IQCM: variants seen among roughly 807,000 people sequenced by gnomAD.
The protein encoded by IQCM is IQ motif containing M.
In IQCM, 45 loss-of-function variants were observed where a neutral mutation model predicts 57.6. The observed-to-expected ratio is 0.78, with a 90% confidence interval of 0.62 to 1.00. The LOEUF (loss-of-function observed/expected upper bound fraction) is 1.00. Among genes scored for constraint, IQCM ranks in the 50% least tolerant of loss-of-function variants. The pLI, the probability that IQCM is intolerant of heterozygous loss-of-function variation, is 0.00. For missense variants in IQCM, 468 were observed against 511.6 expected, an observed-to-expected ratio of 0.91 and a Z score of 0.82; for synonymous variants, 148 against 158.9, an observed-to-expected ratio of 0.93 and a Z score of 0.51.
intron 8 of IQCM, among the ~76,000 whole-genome samples, chr4:149,617,891 T>C (rs934249512): frequency 6.6e-6 from 1 of 152,186 alleles, no homozygotes; most frequent in African/African-American, 2.4e-5. Flanking sequence ...CCCAGTCTCA[T>C]GAATTGGAAG....
chr4:149,731,035 T>C (rs1208799186), intron 5 of IQCM, among the ~76,000 whole-genome samples: 1 of 152,166 alleles, frequency 6.6e-6, no homozygotes, highest in Admixed American at 6.5e-5. Context: ...TCCACATGTG[T>C]GTCTACTTAA....
chr4:149,429,334 TG>T (rs929484173), intron 13 of IQCM, among the ~76,000 whole-genome samples: 4 of 151,874 alleles, frequency 2.6e-5, no homozygotes, highest in African/African-American at 9.7e-5. Context: ...CATATATTCC[TG>T]GAAAAAAATT....
In IQCM at chr4:149,351,983, T is replaced by C. The variant is rs1728617549; in HGVS notation, c.1474A>G (p.Arg492Gly). 1 of 399,018 alleles carries C rather than the reference T, an allele frequency of 2.5e-6. No homozygotes were observed. The highest frequency in any genetic ancestry group is 1.3e-4 in the South Asian group (1 of 7,864). 24.7% of individuals were successfully genotyped at this position (399,018 alleles called of 1,614,324 possible). The change falls in exon 14 of 14, where the codon AGA becomes GGA. Residue 492 changes from arginine (R) to glycine (G), a missense_variant. Arg to Gly is a moderately radical substitution (Grantham distance 125). Transcript: ENST00000636793. ...VARSIRERKM[R>G]QHYKSCKVE is the part of the protein sequence containing the mutation. ...ACTTTACATGACTTATAATGTTGTCTCATTTTCCTTTCTCTTATGGATCGG... is the reference window on the plus strand; with the variant it reads ...ACTTTACATGACTTATAATGTTGTCCCATTTTCCTTTCTCTTATGGATCGG...
chr4:149,792,537 C>A (rs567418051), intron 2 of IQCM, among the ~76,000 whole-genome samples: 1 of 152,170 alleles, frequency 6.6e-6, no homozygotes, highest in South Asian at 2.1e-4. Context: ...AGTTAGACAG[C>A]CAGGGGGAAA....
intron 2 of IQCM, among the ~76,000 whole-genome samples, chr4:149,759,238 C>T (rs1050858665): frequency 6.6e-6 from 1 of 152,106 alleles, no homozygotes; most frequent in South Asian, 2.1e-4. Flanking sequence ...GTAAGCAGAT[C>T]ACTAGTTGCC....
At chr4:149,619,298 T>A (rs1014216955) in intron 8 of IQCM, among the ~76,000 whole-genome samples, 7 of 151,918 alleles carry the variant, frequency 4.6e-5, no homozygotes, top group African/African-American at 1.7e-4. Context: ...GTAGCGATGG[T>A]CATCCAATAG....
chr4:149,810,936 C>T (rs1055269689), intron 2 of IQCM, among the ~76,000 whole-genome samples: 11 of 152,080 alleles, frequency 7.2e-5, no homozygotes, highest in African/African-American at 1.9e-4. Context: ...GCCAATTAAA[C>T]ACTCGAAGTA....
chr4:149,446,333 A>T (rs1736504399), intron 12 of IQCM, among the ~76,000 whole-genome samples: 1 of 151,760 alleles, frequency 6.6e-6, no homozygotes, highest in Admixed American at 6.6e-5. Flanking sequence ...TAACTGGTCC[A>T]TGAAATAATT....
chr4:149,687,405 T>A (rs928478549), intron 5 of IQCM, among the ~76,000 whole-genome samples: 3 of 151,154 alleles, frequency 2.0e-5, no homozygotes, highest in Admixed American at 1.3e-4. Context: ...AAAAAAAAAA[T>A]TTAAAAATAC....
intron 8 of IQCM, among the ~76,000 whole-genome samples, chr4:149,591,916 T>C (rs1310317652): frequency 6.6e-6 from 1 of 152,186 alleles, no homozygotes; most frequent in African/African-American, 2.4e-5. Context: ...TAAACATACG[T>C]GTACATGTGT....
intron 5 of IQCM, among the ~76,000 whole-genome samples, chr4:149,712,445 G>A (rs1049051361): frequency 1.4e-4 from 22 of 151,998 alleles, no homozygotes; most frequent in African/African-American, 4.6e-4. Context: ...ATGGTACATA[G>A]ATCAGTTTGA....
intron 12 of IQCM, among the ~76,000 whole-genome samples, chr4:149,536,056 A>C (rs924698958): frequency 5.9e-5 from 9 of 152,168 alleles, no homozygotes; most frequent in African/African-American, 2.2e-4. Context: ...GGTGATGATA[A>C]GACAAATCTT....
chr4:149,504,475 C>A (rs1433433819), intron 12 of IQCM, among the ~76,000 whole-genome samples: 2 of 151,932 alleles, frequency 1.3e-5, no homozygotes, highest in African/African-American at 4.8e-5. Context: ...CACCGCCCAG[C>A]CCACACCCAC....
intron 8 of IQCM, among the ~76,000 whole-genome samples, chr4:149,605,991 G>C (rs1419241398): frequency 6.6e-6 from 1 of 152,144 alleles, no homozygotes; most frequent in East Asian, 1.9e-4. Context: ...CCCACCCTCA[G>C]TCAGAAGGGA....
chr4:149,543,880 G>A (rs956119242), intron 12 of IQCM, among the ~76,000 whole-genome samples: 1 of 152,116 alleles, frequency 6.6e-6, no homozygotes, highest in Admixed American at 6.5e-5. Flanking sequence ...GAAGCACAAA[G>A]TGATGTAGAT....
At position 149,617,117 on chromosome 4, in the gene IQCM, G is replaced by A. The variant is rs530047391; in HGVS notation, c.681+4012C>T. ...ATTACAGGCATGTGCCACCACTCCTGGCTAATTTTGTATTTTTAGTAGAGA... is the reference window on the plus strand; with the variant it reads ...ATTACAGGCATGTGCCACCACTCCTAGCTAATTTTGTATTTTTAGTAGAGA... On this transcript the variant is annotated intron_variant, in intron 8 of 13. Transcript: ENST00000636793. Among the ~76,000 whole-genome samples, 81 of 151,934 alleles carry A rather than the reference G, an allele frequency of 5.3e-4. 1 individual carries two copies. The South Asian group carries it at 0.015, about 28-fold the overall frequency.
intron 5 of IQCM, among the ~76,000 whole-genome samples, chr4:149,729,599 C>G (rs1766276482): frequency 6.6e-6 from 1 of 152,062 alleles, no homozygotes; most frequent in Non-Finnish European, 1.5e-5. Flanking sequence ...CTCAGCCTCC[C>G]AAATAGCTAG....
intron 2 of IQCM, among the ~76,000 whole-genome samples, chr4:149,775,471 CTAAA>C (rs1771007728): frequency 6.6e-6 from 1 of 152,180 alleles, no homozygotes; most frequent in African/African-American, 2.4e-5. Flanking sequence ...CTAAAACCTA[CTAAA>C]TAATCTGAGA....
At chr4:149,352,436 G>T (rs1464176480) in intron 13 of IQCM, among the ~76,000 whole-genome samples, 1 of 152,174 alleles carries the variant, frequency 6.6e-6, no homozygotes, top group Non-Finnish European at 1.5e-5. Flanking sequence ...ACTTGAATTT[G>T]CTACACAAGT....
Sources: allele counts gnomAD v4.1 joint callset (sites outside exome capture counted in the v4.1 genomes callset), GRCh38; gene constraint gnomAD v4.1.1; transcripts MANE v1.5; gene names NCBI Gene and HGNC (gene_info 2026-07-23, HGNC 2026-07-21).